TMEM131: variants seen among roughly 807,000 people sequenced by gnomAD.
TMEM131 encodes the protein transmembrane protein 131.
In TMEM131, 66 loss-of-function variants were observed where a neutral mutation model predicts 211.6. The observed-to-expected ratio is 0.31, with a 90% CI of 0.26 to 0.38. TMEM131 has a LOEUF of 0.38. Among genes scored for constraint, TMEM131 ranks in the 10% least tolerant of loss-of-function variants. TMEM131 has a pLI of 1.00. For synonymous variants in TMEM131, 844 were observed against 841.3 expected, an observed-to-expected ratio of 1.00 and a Z score of -0.06; for missense variants, 2,036 against 2,299.3, an observed-to-expected ratio of 0.89 and a Z score of 2.34.
Position 97,759,815 on chromosome 2 carries a change from A to G in TMEM131, c.5109-66T>C, listed in dbSNP as rs970776344. 16 of 1,136,544 alleles carry G rather than the reference A, an allele frequency of 1.4e-5. No homozygotes were observed. In the Admixed American group the frequency reaches 3.0e-4, roughly 21 times the overall value. 70.4% of individuals were successfully genotyped at this position (1,136,544 alleles called of 1,614,324 possible). On this transcript the variant is annotated intron_variant, in intron 38 of 40. Coordinates refer to ENST00000186436, the MANE Select transcript of TMEM131 (RefSeq NM_015348.2). ...TGGTGGTTAGTGCAAACGGATCCAT[A>G]GTGCACAGCTTCACAAACAGGAGAC... is the stretch of plus-strand genomic sequence containing the variant.
intron 11 of TMEM131, among the ~76,000 whole-genome samples, chr2:97,832,430 G>T (rs768712231): frequency 4.6e-5 from 7 of 152,162 alleles, no homozygotes; most frequent in Non-Finnish European, 7.4e-5. Flanking sequence ...CCTGCATCCC[G>T]GTCCCACTAG....
chr2:97,912,900 C>G (rs1324299131), intron 2 of TMEM131, among the ~76,000 whole-genome samples: 1 of 152,258 alleles, frequency 6.6e-6, no homozygotes, highest in East Asian at 1.9e-4. Flanking sequence ...AGACCAGCCT[C>G]GGCAAAAATA....
intron 11 of TMEM131, among the ~76,000 whole-genome samples, chr2:97,825,871 T>C (rs1682358124): frequency 6.6e-6 from 1 of 152,244 alleles, no homozygotes; most frequent in African/African-American, 2.4e-5. Flanking sequence ...CTGTCTGGAC[T>C]ACTCATGATG....
intron 1 of TMEM131, among the ~76,000 whole-genome samples, chr2:97,994,055 C>T (rs1275428614): frequency 6.6e-6 from 1 of 152,228 alleles, no homozygotes; most frequent in Non-Finnish European, 1.5e-5. Flanking sequence ...AACAAGGACA[C>T]AATACCCACC....
intron 11 of TMEM131, among the ~76,000 whole-genome samples, chr2:97,826,618 G>A (rs1008030349): frequency 2.0e-5 from 3 of 151,414 alleles, no homozygotes; most frequent in Non-Finnish European, 2.9e-5. Context: ...AAGTCAGAGA[G>A]AAAGAGAAAC....
chr2:97,832,530 G>A (rs1052849409), intron 11 of TMEM131, among the ~76,000 whole-genome samples: 2 of 152,192 alleles, frequency 1.3e-5, no homozygotes, highest in East Asian at 3.9e-4. Flanking sequence ...TCTCTCTTTG[G>A]TCTACTCCAC....
chr2:97,792,876 G>C lies in TMEM131; in HGVS notation c.3654C>G (p.Val1218=), dbSNP rs561793553. 4.3e-6 allele frequency: 7 copies of C among 1,613,550 alleles called. No individual in the cohort carries two copies. The South Asian group carries it at 4.4e-5, about 10-fold the overall frequency. Residue 1218 remains valine (V), a synonymous_variant, in exon 31 of 41, where the codon GTC becomes GTG. Transcript: ENST00000186436. ...AGSHKQCGPS[V]HPHSSHSNRN... ...TATTGCTGTGACTGCTGTGTGGGTG[G>C]ACCGATGGGCCACACTGCTTATGAC...
chr2:97,972,016 T>C (rs1451799575), intron 1 of TMEM131, among the ~76,000 whole-genome samples: 1 of 152,114 alleles, frequency 6.6e-6, no homozygotes, highest in Non-Finnish European at 1.5e-5. Context: ...GAGACCAGCA[T>C]GGCCAACATG....
At chr2:97,800,877 GAA>G (rs1559367895) in intron 25 of TMEM131, among the ~76,000 whole-genome samples, 1 of 152,152 alleles carries the variant, frequency 6.6e-6, no homozygotes, top group East Asian at 1.9e-4. Context: ...AGCAAAGCAC[GAA>G]AAGATTCCCA....
At chr2:97,908,211 CT>C (rs902337702) in intron 3 of TMEM131, among the ~76,000 whole-genome samples, 4 of 152,144 alleles carry the variant, frequency 2.6e-5, no homozygotes, top group African/African-American at 9.7e-5. Context: ...AACCATCCCC[CT>C]GTTATCACAG....
intron 1 of TMEM131, among the ~76,000 whole-genome samples, chr2:97,968,864 T>C (rs566563731): frequency 6.6e-6 from 1 of 152,016 alleles, no homozygotes; most frequent in African/African-American, 2.4e-5. Flanking sequence ...GGGAGGATGG[T>C]TAGAGGTCTG....
At chr2:97,760,028 TG>T (rs1678737124) in intron 38 of TMEM131, 1 of 397,386 alleles carries the variant, frequency 2.5e-6, no homozygotes, top group Non-Finnish European at 4.6e-6. Context: ...GTTTGCTTTT[TG>T]GTACTGGAAG....
rs546780659 is a variant in TMEM131 at position 97,832,700 on chromosome 2, A to G, written c.1074+665T>C. 5.3e-5 allele frequency among the ~76,000 whole-genome samples: 8 copies of G among 152,360 alleles called. No homozygotes were observed. The South Asian group carries it at 1.7e-3, about 32-fold the overall frequency. ...TGTCCTATTTTCCTATATAATGATT[A>G]CACATGTATATATCTTGGGGACCTC... On this transcript the variant is annotated intron_variant, in intron 11 of 40. Coordinates refer to ENST00000186436, the MANE Select transcript of TMEM131 (RefSeq NM_015348.2).
chr2:97,807,197 T>G (rs1681347585), intron 19 of TMEM131, among the ~76,000 whole-genome samples: 1 of 152,200 alleles, frequency 6.6e-6, no homozygotes, highest in Non-Finnish European at 1.5e-5. Context: ...TCCAAGCAAG[T>G]ATCTGGTCCT....
At chr2:97,955,505 C>T (rs755111287) in intron 1 of TMEM131, among the ~76,000 whole-genome samples, 4 of 151,926 alleles carry the variant, frequency 2.6e-5, no homozygotes, top group Admixed American at 6.6e-5. Context: ...TAAAATTGTC[C>T]GTATTGGCAA....
chr2:97,911,768 A>G (rs1676302067), intron 2 of TMEM131: 1 of 540,360 alleles, frequency 1.9e-6, no homozygotes, highest in South Asian at 8.1e-5. Flanking sequence ...ATAAACAAGA[A>G]TAAAAATCTC....
intron 4 of TMEM131, 85 bp from the exon 5 acceptor site, chr2:97,859,512 T>G: frequency 8.4e-6 from 10 of 1,183,938 alleles, no homozygotes; most frequent in Non-Finnish European, 1.1e-5. Context: ...TCAAAATTGT[T>G]AGACAAATAC....
At chr2:97,759,284 C>A in intron 39 of TMEM131, 1 of 579,280 alleles carries the variant, frequency 1.7e-6, no homozygotes, top group Non-Finnish European at 3.1e-6. Context: ...CAAACTTTCC[C>A]CACTCTCACA....
intron 7 of TMEM131, among the ~76,000 whole-genome samples, chr2:97,838,735 G>C (rs182760268): frequency 3.9e-5 from 6 of 152,222 alleles, no homozygotes; most frequent in Admixed American, 3.3e-4. Context: ...GAGCCACTGC[G>C]CCTGGACCCT....
Sources: gnomAD v4.1 joint callset for allele counts (sites outside exome capture counted in the v4.1 genomes callset) on GRCh38, gnomAD v4.1.1 for gene constraint, MANE v1.5 for transcripts, NCBI Gene and HGNC (gene_info 2026-07-23, HGNC 2026-07-21) for gene names.